Variants in STRBP observed in about 807,000 individuals in gnomAD.
STRBP encodes the protein spermatid perinuclear RNA binding protein.
In STRBP, 13 loss-of-function variants were observed where a neutral mutation model predicts 80.1. The ratio of observed to expected loss-of-function variants is 0.16; its 90% confidence interval spans 0.11 to 0.26. The LOEUF (loss-of-function observed/expected upper bound fraction) is 0.26. Among genes scored for constraint, STRBP ranks in the 10% least tolerant of loss-of-function variants. The pLI is 1.00. For synonymous variants in STRBP, 284 were observed against 291.2 expected, an observed-to-expected ratio of 0.98 and a Z score of 0.25; for missense variants, 485 against 815.2, an observed-to-expected ratio of 0.59 and a Z score of 4.93.
chr9:123,125,682 A>G lies in STRBP; in HGVS notation c.1943-9T>C. On this transcript the variant is annotated splice_polypyrimidine_tract_variant and intron_variant, in intron 18 of 18. Transcript: ENST00000348403. Reference sequence around the variant, plus strand: ...CATTCTCTTGGGTAAACCTACAGAGAAAAGAAACGGAGAGGACTCCAAATA... The same window carrying G: ...CATTCTCTTGGGTAAACCTACAGAGGAAAGAAACGGAGAGGACTCCAAATA... 6.2e-7 allele frequency: 1 copy of G among 1,603,980 alleles called. No homozygotes were observed.
intron 1 of STRBP, among the ~76,000 whole-genome samples, chr9:123,258,038 T>C (rs991290931): frequency 3.9e-5 from 6 of 151,992 alleles, no homozygotes; most frequent in African/African-American, 1.4e-4. Flanking sequence ...AAAGACGACT[T>C]CAAGGCGCAT....
At chr9:123,200,873 G>A (rs2039301061) in intron 2 of STRBP, among the ~76,000 whole-genome samples, 1 of 149,950 alleles carries the variant, frequency 6.7e-6, no homozygotes, top group African/African-American at 2.5e-5. Flanking sequence ...GAGCCACCAT[G>A]CCTGGCTGGC....
chr9:123,114,736 C>T lies in STRBP; in HGVS notation c.*84+1193G>A, dbSNP rs1253781982. On this transcript the variant is annotated intron_variant and NMD_transcript_variant, in intron 3 of 3. Transcript: ENST00000471564. ...TGCCTTCCCCCGTCCTGGTCAGAAA[C>T]ACCATTGTTCCCTCTATTGCCCACT... 5 of 190,176 alleles carry T rather than the reference C, an allele frequency of 2.6e-5. No homozygotes were observed. In the East Asian group the frequency reaches 8.1e-4, roughly 31 times the overall value. 11.8% of individuals were successfully genotyped at this position (190,176 alleles called of 1,614,324 possible). A position where few individuals can be genotyped will look rare whatever the true frequency, so the allele number is the denominator to read the frequency against.
chr9:123,149,089 TC>T, intron 11 of STRBP, among the ~76,000 whole-genome samples: 1 of 152,340 alleles, frequency 6.6e-6, no homozygotes. Context: ...TAGTTGTTTT[TC>T]CTAAGGAAAA....
chr9:123,258,676 C>T (rs575477658), intron 1 of STRBP, among the ~76,000 whole-genome samples: 2 of 152,028 alleles, frequency 1.3e-5, no homozygotes, highest in African/African-American at 4.8e-5. Context: ...TGGTGGCGGG[C>T]GCCTGTCGTC....
At chr9:123,214,145 TACAC>T (rs138090782) in intron 2 of STRBP, among the ~76,000 whole-genome samples, 6,368 of 141,328 alleles carry the variant, frequency 0.045, 285 homozygotes, top group African/African-American at 0.12. Context: ...TATATATGTA[TACAC>T]ACACACACAC....
intron 6 of STRBP, among the ~76,000 whole-genome samples, chr9:123,161,616 C>A (rs902572240): frequency 6.6e-6 from 1 of 152,066 alleles, no homozygotes; most frequent in African/African-American, 2.4e-5. Context: ...AACAGAAACT[C>A]CACCCCATGA....
intron 2 of STRBP, among the ~76,000 whole-genome samples, chr9:123,197,557 G>A (rs74414318): frequency 2.2e-3 from 330 of 151,698 alleles, no homozygotes; most frequent in African/African-American, 6.8e-3. Flanking sequence ...TATGCCTTTG[G>A]GTACTCATAA....
chr9:123,227,567 C>CTTTTTTTTTTTTTTTTTT (rs113678606), intron 2 of STRBP, among the ~76,000 whole-genome samples: 1 of 113,452 alleles, frequency 8.8e-6, no homozygotes, highest in African/African-American at 3.3e-5. Context: ...TTTTTTTTTT[C>CTTTTTTTTTTTTTTTTTT]TTTTTTTTTT....
intron 2 of STRBP, among the ~76,000 whole-genome samples, chr9:123,204,216 A>G (rs771280639): frequency 6.6e-6 from 1 of 152,244 alleles, no homozygotes; most frequent in East Asian, 1.9e-4. Context: ...GAAAAGCAGT[A>G]AAGAACAGAT....
At chr9:123,248,559 C>T (rs979210361) in intron 1 of STRBP, among the ~76,000 whole-genome samples, 2 of 151,982 alleles carry the variant, frequency 1.3e-5, no homozygotes, top group East Asian at 1.9e-4. Context: ...CATGAGCCAC[C>T]GCGCCCAGCC....
At chr9:123,258,449 T>C (rs1392827208) in intron 1 of STRBP, among the ~76,000 whole-genome samples, 1 of 152,136 alleles carries the variant, frequency 6.6e-6, no homozygotes, top group Non-Finnish European at 1.5e-5. Context: ...AACTGCATTC[T>C]GGACAGGGTA....
chr9:123,159,324 A>C, intron 8 of STRBP, 117 bp from the exon 9 acceptor site: 2 of 607,248 alleles, frequency 3.3e-6, no homozygotes, highest in Non-Finnish European at 5.5e-6. Context: ...TCAATTTAAC[A>C]TTTAGGACCC....
intron 2 of STRBP, among the ~76,000 whole-genome samples, chr9:123,215,517 G>C (rs752379050): frequency 1.3e-4 from 20 of 152,336 alleles, no homozygotes; most frequent in African/African-American, 4.8e-4. Flanking sequence ...AATAAGGCCA[G>C]GCATGGTGGC....
At chr9:123,139,361 A>AT (rs1447368474) in intron 14 of STRBP, among the ~76,000 whole-genome samples, 168 bp downstream of exon 14, 28 of 152,346 alleles carry the variant, frequency 1.8e-4, no homozygotes, top group Non-Finnish European at 3.4e-4. Flanking sequence ...ACAGAGATTC[A>AT]TGAAAAAAAC....
chr9:123,173,386 T>C (rs1049381145), intron 5 of STRBP, among the ~76,000 whole-genome samples: 1 of 152,158 alleles, frequency 6.6e-6, no homozygotes, highest in Admixed American at 6.5e-5. Context: ...AAGAACTTTA[T>C]AATGGTGAGA....
At chr9:123,268,245 G>A (rs1286182961) in intron 1 of STRBP, among the ~76,000 whole-genome samples, 191 bp downstream of exon 1, 3 of 149,572 alleles carry the variant, frequency 2.0e-5, no homozygotes, top group Non-Finnish European at 4.5e-5. Context: ...CGGCCACAAT[G>A]CCGGAGCCGC....
At chr9:123,168,817 C>T (rs1183058226) in intron 6 of STRBP, among the ~76,000 whole-genome samples, 1 of 152,154 alleles carries the variant, frequency 6.6e-6, no homozygotes, top group African/African-American at 2.4e-5. Flanking sequence ...GCTAACTTGA[C>T]AGGATAAAAA....
Position 123,115,084 on chromosome 9 carries a change from C to T in STRBP, c.*84+845G>A. ...GGACAATGGTCATCATTGAAGGACA[C>T]ACCACCCAGGGCCTTTTAAGAAGTG... On this transcript the variant is annotated intron_variant and NMD_transcript_variant, in intron 3 of 3. Transcript: ENST00000471564. The surrounding 1 kb of genome is among the most constrained non-coding windows in gnomAD (Gnocchi z 5.0). The T allele has an allele frequency of 4.9e-6, 2 of 407,334 alleles. No homozygotes were observed. Among genetic ancestry groups the T allele is most frequent in the East Asian group, 7.2e-5 (1 of 13,836 alleles). The allele number at this position is 407,334 out of a possible 1,614,324, so 25.2% of individuals were successfully genotyped here. A position where few individuals can be genotyped will look rare whatever the true frequency, so the allele number is the denominator to read the frequency against.
Sources: allele counts gnomAD v4.1 joint callset (sites outside exome capture counted in the v4.1 genomes callset), GRCh38; gene constraint gnomAD v4.1.1; non-coding constraint Gnocchi (gnomAD v3.1); transcripts MANE v1.5; gene names NCBI Gene and HGNC (gene_info 2026-07-23, HGNC 2026-07-21).